The following MAD1L1 variants were observed in gnomAD, a reference collection of about 807,000 sequenced individuals.
MAD1L1 encodes mitotic spindle assembly checkpoint protein MAD1.
Under a neutral mutation model 96.9 loss-of-function variants are expected in MAD1L1, and 95 were observed. The observed-to-expected ratio is 0.98, with a 90% confidence interval of 0.83 to 1.16. MAD1L1 has a LOEUF of 1.16. MAD1L1 is among the 50% of genes most tolerant of loss of function. The probability of loss-of-function intolerance (pLI) is 0.00; values close to 1 mark genes in which losing one functional copy is unlikely to be tolerated. For synonymous variants in MAD1L1, 473 were observed against 396.6 expected, an observed-to-expected ratio of 1.19 and a Z score of -2.29; for missense variants, 1,007 against 954.4, an observed-to-expected ratio of 1.06 and a Z score of -0.73.
rs1793273731 is a variant in MAD1L1 at position 2,216,263 on chromosome 7, G to A, written c.703C>T (p.Gln235Ter). The change falls in exon 8 of 19, where the codon CAA becomes TAA. Residue 235 changes from glutamine (Q) to a stop codon, truncating the protein, a stop_gained. Coordinates refer to ENST00000265854, the MANE Select transcript of MAD1L1 (RefSeq NM_001013836.2). LOFTEE classifies it high-confidence loss of function. ...IKDLEQKLSL[Q>*]EQDAAIVKNM... is the part of the protein sequence containing the mutation. Reference sequence around the variant, plus strand: ...TTCACAATCGCTGCATCCTGCTCTTGCAGGGACAGCTTCTGCTCCAGATCC... The same window carrying A: ...TTCACAATCGCTGCATCCTGCTCTTACAGGGACAGCTTCTGCTCCAGATCC... The A allele has an allele frequency of 6.2e-7, 1 of 1,614,088 alleles. No individual in the cohort carries two copies. Among genetic ancestry groups the A allele is most frequent in the Non-Finnish European group, 8.5e-7 (1 of 1,180,028 alleles).
At chr7:2,144,656 A>C (rs1396815587) in intron 11 of MAD1L1, among the ~76,000 whole-genome samples, 1 of 152,076 alleles carries the variant, frequency 6.6e-6, no homozygotes, top group Non-Finnish European at 1.5e-5. Flanking sequence ...TTGGGTCCCT[A>C]AGGGCCAAGG....
At chr7:1,942,921 C>T (rs552230710) in intron 16 of MAD1L1, among the ~76,000 whole-genome samples, 2 of 152,296 alleles carry the variant, frequency 1.3e-5, no homozygotes, top group South Asian at 4.1e-4. Flanking sequence ...GTGGTGTGGG[C>T]ATGAGGACCG....
At chr7:1,999,594 G>A (rs912911527) in intron 14 of MAD1L1, among the ~76,000 whole-genome samples, 6 of 152,176 alleles carry the variant, frequency 3.9e-5, no homozygotes, top group African/African-American at 9.7e-5. Flanking sequence ...GCCCACTTCA[G>A]GAGGAGACAG....
At chr7:1,891,193 T>TAAAGCACA (rs1786516490) in intron 18 of MAD1L1, among the ~76,000 whole-genome samples, 1 of 152,238 alleles carries the variant, frequency 6.6e-6, no homozygotes, top group African/African-American at 2.4e-5. Flanking sequence ...TCTATAGCTG[T>TAAAGCACA]AGGATGTGCT....
chr7:1,939,253 CG>C (rs1778819033), intron 16 of MAD1L1, among the ~76,000 whole-genome samples: 1 of 143,950 alleles, frequency 6.9e-6, no homozygotes, highest in Admixed American at 6.9e-5. Context: ...GGGCCAGGGC[CG>C]GGACCAGAGG....
intron 16 of MAD1L1, among the ~76,000 whole-genome samples, chr7:1,938,958 A>ACG (rs1778783760): frequency 7.2e-6 from 1 of 138,338 alleles, no homozygotes. Context: ...CCAGAGGCGC[A>ACG]CACACACGGG....
At chr7:1,989,088 G>A (rs1290113868) in intron 14 of MAD1L1, among the ~76,000 whole-genome samples, 5 of 152,262 alleles carry the variant, frequency 3.3e-5, no homozygotes. Flanking sequence ...GGCAATGGAT[G>A]GGGCAGACAC....
intron 10 of MAD1L1, among the ~76,000 whole-genome samples, chr7:2,211,713 C>T (rs1423496418): frequency 1.3e-5 from 2 of 152,210 alleles, no homozygotes; most frequent in African/African-American, 2.4e-5. Context: ...GACAGCAGCC[C>T]GGGCCGTGCT....
At chr7:2,164,100 T>C (rs951974969) in intron 10 of MAD1L1, among the ~76,000 whole-genome samples, 1 of 152,194 alleles carries the variant, frequency 6.6e-6, no homozygotes, top group Non-Finnish European at 1.5e-5. Context: ...AGCGGATGCA[T>C]GCAGACACCT....
At chr7:1,890,869 C>T (rs1786494161) in intron 18 of MAD1L1, among the ~76,000 whole-genome samples, 1 of 152,240 alleles carries the variant, frequency 6.6e-6, no homozygotes, top group Non-Finnish European at 1.5e-5. Context: ...CCCATGTTCT[C>T]ATTTTTCCTG....
At chr7:2,223,207 C>T (rs997074979) in intron 4 of MAD1L1, among the ~76,000 whole-genome samples, 4 of 152,210 alleles carry the variant, frequency 2.6e-5, no homozygotes, top group Non-Finnish European at 4.4e-5. Flanking sequence ...AGACAGGCAG[C>T]GTGGACAGGA....
intron 15 of MAD1L1, among the ~76,000 whole-genome samples, chr7:1,965,605 G>C (rs534519952): frequency 1.3e-5 from 2 of 152,254 alleles, no homozygotes; most frequent in East Asian, 1.9e-4. Flanking sequence ...CTCCCTGCTC[G>C]GAGTATGGAC....
intron 15 of MAD1L1, among the ~76,000 whole-genome samples, chr7:1,972,210 G>A (rs1780435126): frequency 6.6e-6 from 1 of 152,168 alleles, no homozygotes; most frequent in Admixed American, 6.5e-5. Context: ...TCGCCCCGCT[G>A]TCCTTTTGTA....
At chr7:1,929,287 C>A (rs770209711) in intron 17 of MAD1L1, among the ~76,000 whole-genome samples, 1 of 152,182 alleles carries the variant, frequency 6.6e-6, no homozygotes, top group Non-Finnish European at 1.5e-5. Flanking sequence ...ATCAGCTGTG[C>A]CCACACAGGC....
At chr7:2,177,877 G>A (rs998309783) in intron 10 of MAD1L1, among the ~76,000 whole-genome samples, 13 of 152,180 alleles carry the variant, frequency 8.5e-5, no homozygotes, top group Admixed American at 7.9e-4. Flanking sequence ...AGCCGACATC[G>A]CCATGACTGA....
chr7:1,884,590 T>A (rs115817268), intron 18 of MAD1L1, among the ~76,000 whole-genome samples: 1,819 of 152,348 alleles, frequency 0.012, 34 homozygotes, highest in African/African-American at 0.04. Context: ...GAACTTTATT[T>A]CTGTTCCAAA....
At chr7:2,140,817 A>G (rs1584413676) in intron 11 of MAD1L1, among the ~76,000 whole-genome samples, 2 of 152,244 alleles carry the variant, frequency 1.3e-5, no homozygotes, top group African/African-American at 4.8e-5. Context: ...ACAGAGCTAA[A>G]CACTCAGAAA....
Position 2,111,138 on chromosome 7 carries a change from G to T in MAD1L1, c.1073+38014C>A, listed in dbSNP as rs553499347. Reference sequence around the variant, plus strand: ...AATTAAAGACAAGAGGAACAAAGAAGAAACAGGGAGAGAGGAGGAGCACAC... The same window carrying T: ...AATTAAAGACAAGAGGAACAAAGAATAAACAGGGAGAGAGGAGGAGCACAC... On this transcript the variant is annotated intron_variant, in intron 11 of 18. Coordinates refer to ENST00000265854, the MANE Select transcript of MAD1L1 (RefSeq NM_001013836.2). Among the ~76,000 whole-genome samples the T allele has an allele frequency of 8.5e-5, 13 of 152,344 alleles. No homozygotes were observed. In the South Asian group the frequency reaches 2.3e-3, roughly 27 times the overall value.
intron 11 of MAD1L1, chr7:2,079,942 G>A (rs1327522026): frequency 5.5e-6 from 2 of 363,650 alleles, no homozygotes; most frequent in East Asian, 7.4e-5. Flanking sequence ...GTGACGCAGA[G>A]AGGCACAGCA....
Sources: allele counts gnomAD v4.1 joint callset (sites outside exome capture counted in the v4.1 genomes callset), GRCh38; gene constraint gnomAD v4.1.1; transcripts MANE v1.5; gene names NCBI Gene and HGNC (gene_info 2026-07-23, HGNC 2026-07-21).